FMOD: variants seen among roughly 807,000 people sequenced by gnomAD.
The protein encoded by FMOD is KSPG fibromodulin.
Under a neutral mutation model 27.0 loss-of-function variants are expected in FMOD, and 15 were observed. The observed-to-expected ratio is 0.55, with a 90% CI of 0.37 to 0.85. The LOEUF is 0.85. Among genes scored for constraint, FMOD ranks in the 40% least tolerant of loss-of-function variants. The pLI is 0.00. For missense variants in FMOD, 460 were observed against 483.2 expected, an observed-to-expected ratio of 0.95 and a Z score of 0.45; for synonymous variants, 210 against 214.0, an observed-to-expected ratio of 0.98 and a Z score of 0.16.
chr1:203,342,657 AGGG>A (rs1658815897), intron 2 of FMOD, among the ~76,000 whole-genome samples, 163 bp from the exon 3 acceptor site: 1 of 152,180 alleles, frequency 6.6e-6, no homozygotes, highest in Non-Finnish European at 1.5e-5. Flanking sequence ...TGGCGCCACT[AGGG>A]GCAGAACTAG....
At chr1:203,348,337 G>A in intron 1 of FMOD, 60 bp from the exon 2 acceptor site, 1 of 1,543,214 alleles carries the variant, frequency 6.5e-7, no homozygotes, top group South Asian at 1.2e-5. Context: ...CAGAGGCAGT[G>A]AGGCAGAGTA....
chr1:203,346,991 G>A (rs1658899901), intron 2 of FMOD, among the ~76,000 whole-genome samples: 1 of 152,118 alleles, frequency 6.6e-6, no homozygotes, highest in Non-Finnish European at 1.5e-5. Context: ...GTCCCAGAAT[G>A]TCTCCATCCT....
At chr1:203,343,129 C>T (rs1477757728) in intron 2 of FMOD, among the ~76,000 whole-genome samples, 1 of 152,202 alleles carries the variant, frequency 6.6e-6, no homozygotes, top group Non-Finnish European at 1.5e-5. Flanking sequence ...AGCACTGGGG[C>T]TGCTAGGGAC....
At chr1:203,344,174 G>C (rs1205581020) in intron 2 of FMOD, among the ~76,000 whole-genome samples, 1 of 152,164 alleles carries the variant, frequency 6.6e-6, no homozygotes, top group African/African-American at 2.4e-5. Flanking sequence ...AGAGCAGTGG[G>C]GTGAGGAGAA....
intron 2 of FMOD, among the ~76,000 whole-genome samples, chr1:203,343,752 A>G (rs1399767799): frequency 6.6e-6 from 1 of 152,222 alleles, no homozygotes; most frequent in East Asian, 1.9e-4. Context: ...AGGTGTGACC[A>G]TGAGGGCTCC....
Position 203,342,385 on chromosome 1 carries a change from G to A in FMOD, c.1089C>T (p.Asp363=), listed in dbSNP as rs750987880. Residue 363 remains aspartate, a synonymous_variant, in exon 3 of 3, where the codon GAC becomes GAT. Transcript: ENST00000354955. ...TGGCAAGGCGCAGGCAGAGGGGCGC[G>A]TCGGCAGGCATGGCGCTGCGCTTGA... is the stretch of plus-strand genomic sequence containing the variant. ...NEIKRSAMPA[D]APLCLRLASL... 7.4e-5 allele frequency: 119 copies of A among 1,613,624 alleles called. No homozygotes were observed. Among genetic ancestry groups the A allele is most frequent in the Middle Eastern group, 1.6e-4 (1 of 6,068 alleles).
chr1:203,343,914 T>C (rs1174501308), intron 2 of FMOD, among the ~76,000 whole-genome samples: 4 of 152,298 alleles, frequency 2.6e-5, no homozygotes, highest in African/African-American at 7.2e-5. Flanking sequence ...TGAGGTGAGG[T>C]TGCAGCAAAT....
intron 1 of FMOD, among the ~76,000 whole-genome samples, chr1:203,348,927 C>T (rs1047156854): frequency 2.6e-5 from 4 of 152,212 alleles, no homozygotes; most frequent in African/African-American, 9.7e-5. Flanking sequence ...TCCAAAGTGC[C>T]ATCATCTGTA....
In FMOD at chr1:203,342,210, G is replaced by A; in HGVS notation, c.*133C>T. 8.6e-7 allele frequency: 1 copy of A among 1,156,766 alleles called. No homozygotes were observed. The highest frequency in any genetic ancestry group is 1.6e-5 in the South Asian group (1 of 63,070). The allele number at this position is 1,156,766 out of a possible 1,614,324, so 71.7% of individuals were successfully genotyped here. ...TCGCCCCCCCTAACCCCACCTACAGGAAAGAAGACTACAGAGGGTGCCCGT... is the reference window on the plus strand; with the variant it reads ...TCGCCCCCCCTAACCCCACCTACAGAAAAGAAGACTACAGAGGGTGCCCGT... On this transcript the variant is annotated 3_prime_UTR_variant, in exon 3 of 3. Transcript: ENST00000354955.
chr1:203,343,710 G>A (rs1483682311), intron 2 of FMOD, among the ~76,000 whole-genome samples: 1 of 152,200 alleles, frequency 6.6e-6, no homozygotes, highest in Non-Finnish European at 1.5e-5. Context: ...ACGAGGAGTG[G>A]GGGCAGGGGG....
chr1:203,349,129 T>A (rs1658948293), intron 1 of FMOD, among the ~76,000 whole-genome samples: 1 of 152,230 alleles, frequency 6.6e-6, no homozygotes, highest in Admixed American at 6.5e-5. Flanking sequence ...CTCTCTTCCA[T>A]GGTGCCTAGT....
chr1:203,343,203 T>C (rs1658827485), intron 2 of FMOD, among the ~76,000 whole-genome samples: 1 of 152,226 alleles, frequency 6.6e-6, no homozygotes, highest in Admixed American at 6.5e-5. Context: ...TCTACTCCCT[T>C]TTTTAAACCT....
At chr1:203,345,754 C>T (rs548007098) in intron 2 of FMOD, among the ~76,000 whole-genome samples, 10 of 152,092 alleles carry the variant, frequency 6.6e-5, no homozygotes, top group East Asian at 1.9e-4. Flanking sequence ...AAAAGTTGGC[C>T]GAGCGTGGTG....
At chr1:203,345,291 T>G (rs1658868610) in intron 2 of FMOD, among the ~76,000 whole-genome samples, 1 of 152,072 alleles carries the variant, frequency 6.6e-6, no homozygotes, top group African/African-American at 2.4e-5. Context: ...CTGGAAGAGG[T>G]GGTCCACCTC....
At chr1:203,348,791 G>A (rs561750048) in intron 1 of FMOD, among the ~76,000 whole-genome samples, 84 of 152,344 alleles carry the variant, frequency 5.5e-4, no homozygotes, top group African/African-American at 1.9e-3. Context: ...TTGACGCATC[G>A]AAGGGGAAGA....
intron 2 of FMOD, among the ~76,000 whole-genome samples, chr1:203,346,621 C>A (rs1430690382): frequency 2.6e-5 from 4 of 151,848 alleles, no homozygotes; most frequent in Admixed American, 2.6e-4. Context: ...ACCAGGGGGT[C>A]CTTGTACTCC....
Position 203,347,317 on chromosome 1 carries a change from G to T in FMOD, c.954C>A (p.Leu318=). ...CATTGATCCTATTGCCTTGGAGGTA[G>T]AGGTTCTCCAGGTTGGTGTTGACTG... ...IPPVNTNLEN[L]YLQGNRINEF... is the part of the protein sequence containing the mutation. Residue 318 remains leucine (L), a synonymous_variant, in exon 2 of 3, where the codon CTC becomes CTA. Transcript: ENST00000354955. The T allele has an allele frequency of 1.2e-6, 2 of 1,613,346 alleles. No individual in the cohort carries two copies. Among genetic ancestry groups the T allele is most frequent in the Non-Finnish European group, 1.7e-6 (2 of 1,179,580 alleles).
rs190600742 is a variant in FMOD at position 203,347,742 on chromosome 1, A to G, written c.529T>C (p.Ser177Pro). The G allele has an allele frequency of 6.9e-5, 112 of 1,613,846 alleles. No individual in the cohort carries two copies. The highest frequency in any genetic ancestry group is 4.9e-4 in the Middle Eastern group (3 of 6,062). The part of the protein sequence containing the change: ...LTRMPGPLPR[S>P]LRELHLDHNQ... ...TGGTCGAGATGGAGCTCTCTCAGGG[A>G]TCGAGGCAGGGGACCGGGCATCCGG... Residue 177 changes from serine to proline, a missense_variant, in exon 2 of 3, where the codon TCC becomes CCC. Ser to Pro is a moderately conservative substitution (Grantham distance 74). Coordinates refer to ENST00000354955, the MANE Select transcript of FMOD (RefSeq NM_002023.5).
chr1:203,343,989 T>C (rs1477905158), intron 2 of FMOD, among the ~76,000 whole-genome samples: 2 of 152,134 alleles, frequency 1.3e-5, no homozygotes, highest in Non-Finnish European at 2.9e-5. Flanking sequence ...CTGAGAAAAG[T>C]AGCGGAAACT....
Sources: gnomAD v4.1 joint callset for allele counts (sites outside exome capture counted in the v4.1 genomes callset) on GRCh38, gnomAD v4.1.1 for gene constraint, MANE v1.5 for transcripts, NCBI Gene and HGNC (gene_info 2026-07-23, HGNC 2026-07-21) for gene names.